The following NDUFA8 variants were observed in gnomAD, a reference collection of about 807,000 sequenced individuals.
The protein encoded by NDUFA8 is NADH:ubiquinone oxidoreductase subunit A8, also known as NADH dehydrogenase [ubiquinone] 1 alpha subcomplex subunit 8.
A neutral mutation model predicts 20.9 loss-of-function variants in NDUFA8; 16 were observed. That is an observed-to-expected ratio of 0.77 (90% CI 0.52 to 1.16). NDUFA8 has a LOEUF of 1.16. Ranked by LOEUF, NDUFA8 falls within the 50% of genes most tolerant of loss-of-function variation. The pLI is 0.00. For synonymous variants in NDUFA8, 70 were observed against 76.1 expected (o/e 0.92, Z 0.41); for missense variants, 202 against 216.4 (o/e 0.93, Z 0.42).
the NDUFA8 span, among the ~76,000 whole-genome samples, chr9:122,135,651 G>A: frequency 1.8e-4 from 27 of 152,294 alleles, no homozygotes; most frequent in Middle Eastern, 3.4e-3. Context: ...GTGTAGTGGC[G>A]TGACCACAGC....
intron 3 of NDUFA8, among the ~76,000 whole-genome samples, chr9:122,144,877 G>C (rs1284448406): frequency 6.6e-6 from 1 of 152,188 alleles, no homozygotes; most frequent in Non-Finnish European, 1.5e-5. Context: ...TATGAAGATA[G>C]GCAGGCATGT....
intron 2 of NDUFA8, among the ~76,000 whole-genome samples, chr9:122,150,555 T>C (rs186355795): frequency 6.6e-6 from 1 of 150,794 alleles, no homozygotes; most frequent in East Asian, 2.0e-4. Context: ...GCAAAGGTAA[T>C]CACTGCAGAT....
At position 122,159,733 on chromosome 9, in the gene NDUFA8, C is replaced by T. The variant is rs1038534000; in HGVS notation, c.-56G>A. On this transcript the variant is annotated 5_prime_UTR_variant, in exon 1 of 4. Coordinates refer to ENST00000373768, the MANE Select transcript of NDUFA8 (RefSeq NM_014222.3). ...CCCTCAGCCGCGTCGCCCCCGTCTC[C>T]TTGAACTCCCCTTTCGACCGCCGAG... The T allele has an allele frequency of 2.5e-6, 4 of 1,612,592 alleles. No individual in the cohort carries two copies. Among genetic ancestry groups the T allele is most frequent in the East Asian group, 2.2e-5 (1 of 44,878 alleles).
At chr9:122,133,608 A>G in the NDUFA8 span, among the ~76,000 whole-genome samples, 1 of 152,196 alleles carries the variant, frequency 6.6e-6, no homozygotes, top group African/African-American at 2.4e-5. Flanking sequence ...TATGGCAGGC[A>G]GGTCTGCTGG....
intron 1 of NDUFA8, among the ~76,000 whole-genome samples, chr9:122,156,527 C>G (rs551986262): frequency 6.6e-6 from 1 of 152,076 alleles, no homozygotes; most frequent in African/African-American, 2.4e-5. Context: ...CGAAAGCACA[C>G]CATAAATATT....
rs142260734 is a variant in NDUFA8, at chr9:122,158,776, A to G, written c.51+851T>C. On this transcript the variant is annotated intron_variant, in intron 1 of 3. Transcript: ENST00000373768. ...ATATGGTATATATATATACACACCAATTGTGTGTGTGTATATATATGTGTA... is the reference window on the plus strand; with the variant it reads ...ATATGGTATATATATATACACACCAGTTGTGTGTGTGTATATATATGTGTA... Among the ~76,000 whole-genome samples the G allele has an allele frequency of 5.5e-3, 804 of 147,280 alleles. 10 individuals are homozygous for G. The highest frequency in any genetic ancestry group is 0.02 in the African/African-American group (747 of 38,070).
downstream of NDUFA8, among the ~76,000 whole-genome samples, chr9:122,140,453 C>T (rs1055111124): frequency 2.6e-4 from 39 of 152,152 alleles, no homozygotes; most frequent in African/African-American, 8.7e-4. Context: ...GGCAATGTAA[C>T]CTCAAAGAGT....
downstream of NDUFA8, among the ~76,000 whole-genome samples, chr9:122,143,877 A>G (rs1828858682): frequency 6.6e-6 from 1 of 152,238 alleles, no homozygotes; most frequent in Non-Finnish European, 1.5e-5. Context: ...GGAGCTGCCT[A>G]AAGTAACAAA....
the NDUFA8 span, among the ~76,000 whole-genome samples, chr9:122,137,594 T>C: frequency 6.6e-6 from 1 of 152,160 alleles, no homozygotes; most frequent in East Asian, 1.9e-4. Context: ...CTCTTCCATA[T>C]CTTGTCCTTC....
chr9:122,159,575 C>G, intron 1 of NDUFA8, 52 bp downstream of exon 1: 1 of 1,609,990 alleles, frequency 6.2e-7, no homozygotes, highest in Non-Finnish European at 8.5e-7. Flanking sequence ...AGGCCCAGGC[C>G]CGAGAAGCCG....
chr9:122,151,899 C>T (rs1829005369), intron 2 of NDUFA8, among the ~76,000 whole-genome samples: 1 of 152,184 alleles, frequency 6.6e-6, no homozygotes, highest in Admixed American at 6.5e-5. Context: ...TAGTGAATGC[C>T]TGCTTAAAAA....
intron 1 of NDUFA8, among the ~76,000 whole-genome samples, chr9:122,153,819 T>C (rs1042082060): frequency 8.5e-5 from 13 of 152,238 alleles, no homozygotes; most frequent in Admixed American, 2.6e-4. Context: ...AATTTAGTTA[T>C]ATGTTAAATT....
At chr9:122,158,358 A>G (rs967938786) in intron 1 of NDUFA8, among the ~76,000 whole-genome samples, 1 of 152,046 alleles carries the variant, frequency 6.6e-6, no homozygotes, top group Non-Finnish European at 1.5e-5. Context: ...CTGGCCTTGT[A>G]GAAGCTGCTT....
intron 3 of NDUFA8, among the ~76,000 whole-genome samples, chr9:122,144,601 G>A (rs1330165744): frequency 1.3e-5 from 2 of 152,166 alleles, no homozygotes; most frequent in Non-Finnish European, 2.9e-5. Flanking sequence ...GATACAGAAG[G>A]GAACAAGATA....
At position 122,158,640 on chromosome 9, in the gene NDUFA8, G is replaced by A. The variant is rs562838203; in HGVS notation, c.51+987C>T. 1.2e-4 allele frequency among the ~76,000 whole-genome samples: 18 copies of A among 150,942 alleles called. No homozygotes were observed. The South Asian group carries it at 2.1e-3, about 18-fold the overall frequency. On this transcript the variant is annotated intron_variant, in intron 1 of 3. Coordinates refer to ENST00000373768, the MANE Select transcript of NDUFA8 (RefSeq NM_014222.3). ...CGGGGACTAATTCCTTATTTATAAC[G>A]CTACGACCAATTGTGTGTGTGTGTG...
intron 1 of NDUFA8, 140 bp from the exon 2 acceptor site, chr9:122,152,548 A>C: frequency 1.4e-6 from 1 of 732,032 alleles, no homozygotes; most frequent in African/African-American, 2.2e-5. Context: ...ACACTGTCAT[A>C]ATAATAATTT....
At chr9:122,136,299 C>T in the NDUFA8 span, among the ~76,000 whole-genome samples, 6 of 152,268 alleles carry the variant, frequency 3.9e-5, no homozygotes, top group South Asian at 1.0e-3. Flanking sequence ...GATAGATGTA[C>T]CAAATTACCT....
intron 3 of NDUFA8, among the ~76,000 whole-genome samples, chr9:122,147,828 A>G (rs1316883626): frequency 2.6e-5 from 4 of 151,952 alleles, no homozygotes; most frequent in African/African-American, 9.7e-5. Flanking sequence ...GGGTTTTACC[A>G]TGTTAGCGAG....
the NDUFA8 span, among the ~76,000 whole-genome samples, chr9:122,135,017 C>T: frequency 3.3e-5 from 5 of 152,320 alleles, no homozygotes; most frequent in East Asian, 1.9e-4. Flanking sequence ...TCAAGAAACA[C>T]GGTCTTTTCA....
Sources: allele counts gnomAD v4.1 joint callset (sites outside exome capture counted in the v4.1 genomes callset), GRCh38; gene constraint gnomAD v4.1.1; transcripts MANE v1.5; gene names NCBI Gene and HGNC (gene_info 2026-07-23, HGNC 2026-07-21).